PTN: variants seen among roughly 807,000 people sequenced by gnomAD.
The protein encoded by PTN is pleiotrophin.
Under a neutral mutation model 24.1 loss-of-function variants are expected in PTN, and 18 were observed. That is an observed-to-expected ratio of 0.75 (90% CI 0.52 to 1.11). The LOEUF is 1.11. Ranked by LOEUF, PTN falls within the 50% of genes least tolerant of loss-of-function variation. PTN has a pLI of 0.00. For synonymous variants in PTN, 78 were observed against 68.6 expected (o/e 1.14, Z -0.67); for missense variants, 163 against 198.8 (o/e 0.82, Z 1.08).
At chr7:137,313,518 G>A (rs574466430) in intron 1 of PTN, among the ~76,000 whole-genome samples, 17 of 152,236 alleles carry the variant, frequency 1.1e-4, no homozygotes, top group African/African-American at 4.1e-4. Flanking sequence ...GTAATTGTGG[G>A]AGCTAGCTCT....
At chr7:137,322,509 C>T (rs1369416134) in intron 1 of PTN, among the ~76,000 whole-genome samples, 1 of 151,946 alleles carries the variant, frequency 6.6e-6, no homozygotes, top group African/African-American at 2.4e-5. Flanking sequence ...CCTTAATTAT[C>T]AATAGGAAAA....
At chr7:137,273,245 T>C (rs1809305643) in intron 1 of PTN, among the ~76,000 whole-genome samples, 1 of 152,202 alleles carries the variant, frequency 6.6e-6, no homozygotes, top group Non-Finnish European at 1.5e-5. Flanking sequence ...GTAGCCAATA[T>C]AGTAACTGAC....
At chr7:137,322,279 G>A (rs1032001219) in intron 1 of PTN, among the ~76,000 whole-genome samples, 2 of 152,182 alleles carry the variant, frequency 1.3e-5, no homozygotes, top group African/African-American at 4.8e-5. Context: ...ATTTGATTGA[G>A]GGAAGCAATG....
At chr7:137,283,159 G>C (rs1809500044) in intron 1 of PTN, among the ~76,000 whole-genome samples, 1 of 152,126 alleles carries the variant, frequency 6.6e-6, no homozygotes, top group Non-Finnish European at 1.5e-5. Flanking sequence ...GGCACAGCAA[G>C]GTAAAGATGA....
chr7:137,307,187 TG>T (rs1242207575), intron 1 of PTN, among the ~76,000 whole-genome samples: 2 of 152,130 alleles, frequency 1.3e-5, no homozygotes, highest in Non-Finnish European at 2.9e-5. Flanking sequence ...TCAGCCTCCA[TG>T]AAAGTTTATT....
At chr7:137,281,325 C>G (rs553459210) in intron 1 of PTN, among the ~76,000 whole-genome samples, 4 of 151,992 alleles carry the variant, frequency 2.6e-5, no homozygotes, top group African/African-American at 9.7e-5. Flanking sequence ...AAAGCTTTCA[C>G]TCATAAAAGA....
At chr7:137,260,368 T>C (rs1466406570) in intron 1 of PTN, among the ~76,000 whole-genome samples, 1 of 152,098 alleles carries the variant, frequency 6.6e-6, no homozygotes, top group Non-Finnish European at 1.5e-5. Context: ...TATTGTAAGA[T>C]TTTTCCAGTC....
chr7:137,312,046 T>C lies in PTN; in HGVS notation c.-2+31393A>G, dbSNP rs146842058. 6.6e-5 allele frequency among the ~76,000 whole-genome samples: 10 copies of C among 152,214 alleles called. No individual in the cohort carries two copies. The East Asian group carries it at 1.7e-3, about 27-fold the overall frequency. On this transcript the variant is annotated intron_variant, in intron 1 of 4. Transcript: ENST00000348225. ...CATCAATGGACCATGTCATACAAAG[T>C]TGATGGACTTGGTTTTAAGACACAG...
intron 1 of PTN, among the ~76,000 whole-genome samples, chr7:137,288,149 A>T (rs1383013427): frequency 6.6e-6 from 1 of 152,196 alleles, no homozygotes; most frequent in Non-Finnish European, 1.5e-5. Context: ...AGTTCATATT[A>T]TAATAGTTTA....
chr7:137,271,244 A>AT (rs370611669), intron 1 of PTN, among the ~76,000 whole-genome samples: 2 of 152,222 alleles, frequency 1.3e-5, no homozygotes, highest in African/African-American at 4.8e-5. Flanking sequence ...AAATCAAGAA[A>AT]TGTTTACATT....
chr7:137,277,929 A>G (rs1240027057), intron 1 of PTN, among the ~76,000 whole-genome samples: 2 of 151,984 alleles, frequency 1.3e-5, no homozygotes, highest in Non-Finnish European at 2.9e-5. Context: ...ATAGATAGAT[A>G]GATAGATAGA....
chr7:137,258,101 A>G (rs1482953555), intron 1 of PTN, among the ~76,000 whole-genome samples: 2 of 152,328 alleles, frequency 1.3e-5, no homozygotes, highest in South Asian at 2.1e-4. Flanking sequence ...ATTTTCAAAA[A>G]GATTTCCTTA....
chr7:137,234,811 G>C (rs573693203), intron 4 of PTN, among the ~76,000 whole-genome samples: 1 of 152,164 alleles, frequency 6.6e-6, no homozygotes, highest in African/African-American at 2.4e-5. Context: ...AACTAAAAAG[G>C]AAATTAGGAG....
intron 4 of PTN, among the ~76,000 whole-genome samples, chr7:137,248,786 G>A (rs1446298595): frequency 6.6e-6 from 1 of 152,090 alleles, no homozygotes; most frequent in Non-Finnish European, 1.5e-5. Flanking sequence ...TATAACAAAG[G>A]TATATTATAC....
At chr7:137,254,134 C>A (rs1808875960) in intron 2 of PTN, among the ~76,000 whole-genome samples, 1 of 151,958 alleles carries the variant, frequency 6.6e-6, no homozygotes, top group South Asian at 2.1e-4. Flanking sequence ...CCCAACTCTA[C>A]TAAAAATACA....
At chr7:137,291,066 T>C (rs930251597) in intron 1 of PTN, among the ~76,000 whole-genome samples, 1 of 152,160 alleles carries the variant, frequency 6.6e-6, no homozygotes, top group African/African-American at 2.4e-5. Context: ...AATAAATCTA[T>C]AAAATCTGAG....
chr7:137,228,694 G>A (rs1376062804), intron 4 of PTN, among the ~76,000 whole-genome samples: 3 of 151,792 alleles, frequency 2.0e-5, no homozygotes, highest in Admixed American at 6.6e-5. Context: ...TAAAACAAAT[G>A]GAATGTGTCA....
In PTN at chr7:137,343,689, T is replaced by G. The variant is rs1810574612; in HGVS notation, c.-252A>C. The G allele has an allele frequency of 2.0e-6, 1 of 502,164 alleles. No homozygotes were observed. Among genetic ancestry groups the G allele is most frequent in the Admixed American group, 2.0e-5 (1 of 48,792 alleles). 31.1% of individuals were successfully genotyped at this position (502,164 alleles called of 1,614,324 possible). A position where few individuals can be genotyped will look rare whatever the true frequency, so the allele number is the denominator to read the frequency against. On this transcript the variant is annotated 5_prime_UTR_variant, in exon 1 of 5. Transcript: ENST00000348225. ...CGGGGAACCTGATCCTGCCTTTGAC[T>G]CAATTACGCCCTGACAGGGAGGGAA...
In PTN at chr7:137,305,151, C is replaced by T. The variant is rs185830068; in HGVS notation, c.-2+38288G>A. 8.9e-4 allele frequency among the ~76,000 whole-genome samples: 136 copies of T among 152,104 alleles called. No homozygotes were observed. The Middle Eastern group carries it at 0.014, about 15-fold the overall frequency. ...CATCCTCTCAGTTTGAGAATGTTAG[C>T]GATTAAAATATAAAAATCGGCACTA... is the stretch of plus-strand genomic sequence containing the variant. On this transcript the variant is annotated intron_variant, in intron 1 of 4. Coordinates refer to ENST00000348225, the MANE Select transcript of PTN (RefSeq NM_002825.7).
Sources: allele counts gnomAD v4.1 joint callset (sites outside exome capture counted in the v4.1 genomes callset), GRCh38; gene constraint gnomAD v4.1.1; transcripts MANE v1.5; gene names NCBI Gene and HGNC (gene_info 2026-07-23, HGNC 2026-07-21).